The following PTPRG variants were observed in gnomAD, a reference collection of about 807,000 sequenced individuals.
The protein encoded by PTPRG is protein tyrosine phosphatase receptor type G.
A neutral mutation model predicts 165.3 loss-of-function variants in PTPRG; 102 were observed. The ratio of observed to expected loss-of-function variants is 0.62; its 90% CI spans 0.53 to 0.73. The LOEUF (loss-of-function observed/expected upper bound fraction) is 0.73. Ranked by LOEUF, PTPRG falls within the 30% of genes least tolerant of loss-of-function variation. The pLI is 0.00. For missense variants in PTPRG, 1,866 were observed against 1,861.4 expected (o/e 1.00, Z -0.05); for synonymous variants, 675 against 669.5 (o/e 1.01, Z -0.13).
chr3:62,152,706 T>G (rs1389508470), intron 6 of PTPRG, among the ~76,000 whole-genome samples: 1 of 152,218 alleles, frequency 6.6e-6, no homozygotes, highest in African/African-American at 2.4e-5. Flanking sequence ...CTGTAATGTA[T>G]TGCTCGTGTT....
At chr3:61,817,152 TATA>T (rs2035804770) in intron 2 of PTPRG, among the ~76,000 whole-genome samples, 1 of 116,726 alleles carries the variant, frequency 8.6e-6, no homozygotes, top group African/African-American at 3.6e-5. Flanking sequence ...ATTACATATA[TATA>T]ATATATAATA....
In PTPRG at chr3:62,292,391, G is replaced by C. The variant is rs201805445; in HGVS notation, c.4056-30G>C. Reference sequence around the variant, plus strand: ...ATATATTTGGTCCCTTTGTACATCTGAAATCGTATCTTTTTTTTTTCTCCC... The same window carrying C: ...ATATATTTGGTCCCTTTGTACATCTCAAATCGTATCTTTTTTTTTTCTCCC... On this transcript the variant is annotated intron_variant, in intron 28 of 29. Transcript: ENST00000474889. 29 of 1,599,550 alleles carry C rather than the reference G, an allele frequency of 1.8e-5. No individual in the cohort carries two copies. The South Asian group carries it at 3.1e-4, about 17-fold the overall frequency.
At chr3:61,984,776 C>G (rs1313230923) in intron 2 of PTPRG, among the ~76,000 whole-genome samples, 1 of 152,190 alleles carries the variant, frequency 6.6e-6, no homozygotes, top group East Asian at 1.9e-4. Flanking sequence ...GCACCACATT[C>G]TATTTATTGT....
At chr3:61,578,477 G>A (rs1357235965) in intron 1 of PTPRG, among the ~76,000 whole-genome samples, 1 of 152,208 alleles carries the variant, frequency 6.6e-6, no homozygotes, top group Non-Finnish European at 1.5e-5. Context: ...CAGTTGGATT[G>A]GGTGGTGGTC....
At chr3:62,230,364 A>G (rs1041666523) in intron 13 of PTPRG, among the ~76,000 whole-genome samples, 4 of 152,206 alleles carry the variant, frequency 2.6e-5, no homozygotes, top group African/African-American at 7.2e-5. Context: ...TGGCTTCAGA[A>G]TTCTTTGTGG....
At chr3:62,009,318 C>T (rs933458014) in intron 4 of PTPRG, among the ~76,000 whole-genome samples, 2 of 152,136 alleles carry the variant, frequency 1.3e-5, no homozygotes, top group African/African-American at 2.4e-5. Flanking sequence ...CTCCTCCTGT[C>T]TTTGTCTTCA....
chr3:61,706,838 A>T (rs997190330), intron 1 of PTPRG, among the ~76,000 whole-genome samples: 1 of 152,152 alleles, frequency 6.6e-6, no homozygotes, highest in Admixed American at 6.5e-5. Context: ...ATATGAATAC[A>T]TTGAAGTTTG....
intron 1 of PTPRG, among the ~76,000 whole-genome samples, chr3:61,740,567 G>T (rs571775238): frequency 6.6e-6 from 1 of 151,914 alleles, no homozygotes; most frequent in Admixed American, 6.6e-5. Context: ...TCTGCCCTTT[G>T]TAACTGACAC....
At chr3:61,768,692 G>C (rs149993832) in intron 2 of PTPRG, among the ~76,000 whole-genome samples, 2 of 152,278 alleles carry the variant, frequency 1.3e-5, no homozygotes, top group Non-Finnish European at 2.9e-5. Flanking sequence ...ACTCTTAATA[G>C]AATTGGAAAC....
intron 1 of PTPRG, among the ~76,000 whole-genome samples, chr3:61,711,916 G>A (rs952810838): frequency 9.2e-5 from 13 of 140,930 alleles, no homozygotes; most frequent in Non-Finnish European, 1.8e-4. Flanking sequence ...TTTTTGAGAC[G>A]GAGTTTCACT....
chr3:61,906,162 T>C (rs2038644122), intron 2 of PTPRG, among the ~76,000 whole-genome samples: 1 of 151,840 alleles, frequency 6.6e-6, no homozygotes, highest in African/African-American at 2.4e-5. Context: ...TTAAAAATTA[T>C]AGGGACTTGG....
chr3:61,826,225 TAAAAAATG>T (rs759209157), intron 2 of PTPRG, among the ~76,000 whole-genome samples: 5 of 152,146 alleles, frequency 3.3e-5, no homozygotes, highest in Admixed American at 6.5e-5. Flanking sequence ...CTGTATCTGC[TAAAAAATG>T]TTTATCCCTT....
chr3:61,642,148 A>G (rs1162284462), intron 1 of PTPRG, among the ~76,000 whole-genome samples: 1 of 152,122 alleles, frequency 6.6e-6, no homozygotes, highest in Admixed American at 6.5e-5. Context: ...GAGTTATTAA[A>G]TTGGTTCCTC....
At chr3:62,030,751 T>C (rs531498523) in intron 4 of PTPRG, among the ~76,000 whole-genome samples, 9 of 152,284 alleles carry the variant, frequency 5.9e-5, no homozygotes, top group East Asian at 1.9e-4. Context: ...TCTGAGGATA[T>C]GTGAGTCTCT....
intron 2 of PTPRG, among the ~76,000 whole-genome samples, chr3:61,787,448 G>A (rs185608681): frequency 1.8e-3 from 281 of 152,326 alleles, no homozygotes; most frequent in African/African-American, 6.3e-3. Flanking sequence ...CTTAGTTTTA[G>A]TGGATGGGTT....
chr3:61,921,750 C>T (rs757890117), intron 2 of PTPRG, among the ~76,000 whole-genome samples: 17 of 152,102 alleles, frequency 1.1e-4, no homozygotes, highest in Middle Eastern at 3.4e-3. Context: ...TGAAAAAATC[C>T]AAAATCTGAA....
chr3:61,604,613 G>A (rs2106855843), intron 1 of PTPRG, among the ~76,000 whole-genome samples: 1 of 152,268 alleles, frequency 6.6e-6, no homozygotes, highest in South Asian at 2.1e-4. Context: ...TACCAAATAA[G>A]GAATTTGGTA....
chr3:62,039,332 T>TA (rs1485350655), intron 4 of PTPRG, among the ~76,000 whole-genome samples: 4 of 151,888 alleles, frequency 2.6e-5, no homozygotes, highest in South Asian at 2.1e-4. Flanking sequence ...CAACTTAAGT[T>TA]AAAAAAAATT....
intron 2 of PTPRG, among the ~76,000 whole-genome samples, chr3:61,783,462 C>T (rs1054801794): frequency 6.6e-6 from 1 of 152,204 alleles, no homozygotes; most frequent in South Asian, 2.1e-4. Context: ...CACACAGTAT[C>T]ACCATGTGAT....
Sources: gnomAD v4.1 joint callset for allele counts (sites outside exome capture counted in the v4.1 genomes callset) on GRCh38, gnomAD v4.1.1 for gene constraint, MANE v1.5 for transcripts, NCBI Gene and HGNC (gene_info 2026-07-23, HGNC 2026-07-21) for gene names.